CDH12: variants seen among roughly 807,000 people sequenced by gnomAD.
CDH12 encodes the protein cadherin-12.
Under a neutral mutation model 74.1 loss-of-function variants are expected in CDH12, and 41 were observed. The observed-to-expected ratio is 0.55, with a 90% CI of 0.43 to 0.72. The LOEUF (loss-of-function observed/expected upper bound fraction) is 0.72. CDH12 is among the 30% of genes least tolerant of loss of function. CDH12 has a pLI of 0.00. For missense variants in CDH12, 945 were observed against 977.2 expected (o/e 0.97, Z 0.44); for synonymous variants, 399 against 355.0 (o/e 1.12, Z -1.39).
At chr5:22,185,505 G>A (rs1749893926) in intron 4 of CDH12, among the ~76,000 whole-genome samples, 1 of 152,154 alleles carries the variant, frequency 6.6e-6, no homozygotes, top group African/African-American at 2.4e-5. Context: ...ATCCTAAATT[G>A]GTTGGGAGAA....
At chr5:22,515,203 A>C (rs2126677464) in intron 1 of CDH12, among the ~76,000 whole-genome samples, 1 of 152,288 alleles carries the variant, frequency 6.6e-6, no homozygotes, top group South Asian at 2.1e-4. Flanking sequence ...GAACTAAATA[A>C]GTGGGAAGAC....
chr5:22,214,043 G>A (rs1208248975), intron 3 of CDH12, among the ~76,000 whole-genome samples: 9 of 151,662 alleles, frequency 5.9e-5, no homozygotes, highest in East Asian at 1.9e-4. Context: ...TTCAGTAGGC[G>A]AATGCACTAA....
At chr5:22,796,482 T>C (rs1748215033) in intron 1 of CDH12, among the ~76,000 whole-genome samples, 2 of 151,944 alleles carry the variant, frequency 1.3e-5, no homozygotes, top group Admixed American at 6.6e-5. Flanking sequence ...TTATATGTCT[T>C]CTGTTGAAAA....
intron 1 of CDH12, among the ~76,000 whole-genome samples, chr5:22,602,922 G>C (rs1310783498): frequency 6.6e-6 from 1 of 152,128 alleles, no homozygotes; most frequent in East Asian, 1.9e-4. Context: ...AATGGATCTT[G>C]TTTGAAGATA....
At chr5:21,769,414 G>T (rs1382024593) in intron 11 of CDH12, among the ~76,000 whole-genome samples, 1 of 152,054 alleles carries the variant, frequency 6.6e-6, no homozygotes, top group African/African-American at 2.4e-5. Flanking sequence ...TCAAGTTCAT[G>T]GGATAGGAGA....
At chr5:22,155,643 T>C (rs1747978310) in intron 4 of CDH12, among the ~76,000 whole-genome samples, 1 of 152,088 alleles carries the variant, frequency 6.6e-6, no homozygotes, top group Admixed American at 6.6e-5. Flanking sequence ...TGTTTTAAAG[T>C]ACTTAAAAAT....
intron 5 of CDH12, among the ~76,000 whole-genome samples, chr5:22,051,912 G>GT (rs1740397297): frequency 6.6e-6 from 1 of 152,068 alleles, no homozygotes; most frequent in African/African-American, 2.4e-5. Context: ...AAAGAAAACA[G>GT]TAAGATTTTA....
chr5:21,791,275 A>G (rs969735470), intron 10 of CDH12, among the ~76,000 whole-genome samples: 1 of 152,068 alleles, frequency 6.6e-6, no homozygotes, highest in Non-Finnish European at 1.5e-5. Flanking sequence ...AGAGACATTT[A>G]TAAGAAAAGA....
intron 1 of CDH12, among the ~76,000 whole-genome samples, chr5:22,637,553 A>G (rs924201595): frequency 2.6e-5 from 4 of 152,236 alleles, no homozygotes; most frequent in African/African-American, 9.6e-5. Context: ...CAGGGAATAA[A>G]ATACAGTAAA....
intron 1 of CDH12, among the ~76,000 whole-genome samples, chr5:22,685,152 T>G (rs1277044036): frequency 6.6e-6 from 1 of 152,208 alleles, no homozygotes; most frequent in Non-Finnish European, 1.5e-5. Context: ...CCTATTAACG[T>G]GTACAATTAT....
chr5:21,810,749 CAT>C (rs1378140003), intron 9 of CDH12, among the ~76,000 whole-genome samples: 1 of 151,038 alleles, frequency 6.6e-6, no homozygotes, highest in Non-Finnish European at 1.5e-5. Flanking sequence ...CAACAGCATT[CAT>C]GTGTTTTTTC....
chr5:22,525,021 C>T (rs886170665), intron 1 of CDH12, among the ~76,000 whole-genome samples: 14 of 149,434 alleles, frequency 9.4e-5, no homozygotes, highest in African/African-American at 3.2e-4. Context: ...CATGTGTTCT[C>T]ATTATTCAAT....
chr5:22,456,951 T>C (rs920909825), intron 2 of CDH12, among the ~76,000 whole-genome samples: 93 of 152,210 alleles, frequency 6.1e-4, no homozygotes, highest in African/African-American at 2.1e-3. Context: ...ATTCATGGTT[T>C]TTTTTTTAAG....
intron 4 of CDH12, among the ~76,000 whole-genome samples, chr5:22,092,797 A>G (rs965058984): frequency 6.6e-6 from 1 of 152,190 alleles, no homozygotes; most frequent in East Asian, 1.9e-4. Context: ...AAACCTGTAT[A>G]CATAACCTCC....
At chr5:22,793,950 C>G (rs143823760) in intron 1 of CDH12, among the ~76,000 whole-genome samples, 6 of 152,246 alleles carry the variant, frequency 3.9e-5, no homozygotes, top group Admixed American at 3.9e-4. Flanking sequence ...TAAGAATCAT[C>G]ACAAGTTTTC....
At chr5:22,289,030 A>C (rs1737274844) in intron 3 of CDH12, among the ~76,000 whole-genome samples, 2 of 152,136 alleles carry the variant, frequency 1.3e-5, no homozygotes, top group Admixed American at 6.5e-5. Context: ...AAAAGGAATA[A>C]AATGTAATAT....
chr5:22,457,781 G>A (rs1009632544), intron 2 of CDH12, among the ~76,000 whole-genome samples: 2 of 151,806 alleles, frequency 1.3e-5, no homozygotes, highest in Non-Finnish European at 2.9e-5. Context: ...GTCTTGCTCT[G>A]TCACCCAGGC....
At chr5:21,951,891 T>C (rs1480707899) in intron 6 of CDH12, among the ~76,000 whole-genome samples, 1 of 152,172 alleles carries the variant, frequency 6.6e-6, no homozygotes, top group East Asian at 1.9e-4. Flanking sequence ...CAACCCTAGG[T>C]ACATCTTCAT....
rs1401437844 is a variant in CDH12, at chr5:22,425,164, TATATATAA to T, written c.-427-19821_-427-19814del. On this transcript the variant is annotated intron_variant, in intron 2 of 14. Coordinates refer to ENST00000382254, the MANE Select transcript of CDH12 (RefSeq NM_004061.5). ...ATATATGTGTGTGTGTATATATATA[TATATATAA>T]ATATATATATATATATACTTCTTTC... is the stretch of plus-strand genomic sequence containing the variant. Among the ~76,000 whole-genome samples, 157 of 134,030 alleles carry T rather than the reference TATATATAA, an allele frequency of 1.2e-3. 1 individual carries two copies. The highest frequency in any genetic ancestry group is 5.8e-3 in the East Asian group (25 of 4,346). 87.9% of individuals were successfully genotyped at this position (134,030 alleles called of 152,430 possible).
Sources: gnomAD v4.1 joint callset for allele counts (sites outside exome capture counted in the v4.1 genomes callset) on GRCh38, gnomAD v4.1.1 for gene constraint, MANE v1.5 for transcripts, NCBI Gene and HGNC (gene_info 2026-07-23, HGNC 2026-07-21) for gene names.